DNM1: variants seen among roughly 807,000 people sequenced by gnomAD.
DNM1 encodes dynamin-1.
DNM1 carries 29 observed loss-of-function variants against 104.6 expected under a neutral mutation model. The observed-to-expected ratio is 0.28, with a 90% CI of 0.21 to 0.38. The LOEUF is 0.38. Ranked by LOEUF, DNM1 falls within the 10% of genes least tolerant of loss-of-function variation. DNM1 has a pLI of 1.00. For synonymous variants in DNM1, 445 were observed against 475.8 expected, an observed-to-expected ratio of 0.94 and a Z score of 0.84; for missense variants, 640 against 1,189.4, an observed-to-expected ratio of 0.54 and a Z score of 6.79.
At chr9:128,250,426 G>A (rs1272294670) in intron 20 of DNM1, 70 bp downstream of exon 20, 13 of 1,441,552 alleles carry the variant, frequency 9.0e-6, no homozygotes, top group Non-Finnish European at 1.2e-5. Flanking sequence ...GCCGGGACCG[G>A]GCAGTGGCGC....
At position 128,254,721 on chromosome 9, in the gene DNM1, CCCT is replaced by C. The variant is rs775893108; in HGVS notation, c.*12_*14del. 4 of 1,595,592 alleles carry C rather than the reference CCCT, an allele frequency of 2.5e-6. No homozygotes were observed. The highest frequency in any genetic ancestry group is 3.4e-6 in the Non-Finnish European group (4 of 1,179,134). ...GCCCCCCTTCGACCTCTAAACAGAT[CCCT>C]CCTCTTCTCGGAGACCTCCCTTTCC... On this transcript the variant is annotated 3_prime_UTR_variant, in exon 22 of 22. Coordinates refer to ENST00000372923, the MANE Select transcript of DNM1 (RefSeq NM_004408.4). The surrounding 1 kb of genome is among the most constrained non-coding windows in gnomAD (Gnocchi z 6.1).
chr9:128,246,756 T>TTCCTCCCTCCCTCCC (rs1836848920), intron 16 of DNM1, among the ~76,000 whole-genome samples: 1 of 134,932 alleles, frequency 7.4e-6, no homozygotes, highest in Admixed American at 7.8e-5. Context: ...TCCTCCCTCC[T>TTCCTCCCTCCCTCCC]TTCCTCCCTC....
intron 16 of DNM1, 146 bp downstream of exon 16, chr9:128,246,649 G>A (rs1442049473): frequency 2.7e-5 from 17 of 621,566 alleles, no homozygotes; most frequent in Non-Finnish European, 5.0e-5. Flanking sequence ...TTGAGTTCCT[G>A]CTTTGAGCTA....
intron 21 of DNM1, chr9:128,251,289 A>G: frequency 2.2e-6 from 1 of 458,532 alleles, no homozygotes; most frequent in Non-Finnish European, 4.3e-6. Flanking sequence ...GCTGTCCTCC[A>G]TCCTCCATTC....
Position 128,247,908 on chromosome 9 carries a change from T to C in DNM1, c.1894-16T>C, listed in dbSNP as rs1836927325. 3 of 1,613,290 alleles carry C rather than the reference T, an allele frequency of 1.9e-6. No individual in the cohort carries two copies. In the East Asian group the frequency reaches 6.7e-5, roughly 36 times the overall value. The stretch of plus-strand genomic sequence containing the variant: ...GTGGTGGCGGCGGTGGCAATGTTGG[T>C]GTGTGGGCCTCCCAGGACAAAGAGA... On this transcript the variant is annotated splice_polypyrimidine_tract_variant and intron_variant, in intron 17 of 21. Coordinates refer to ENST00000372923, the MANE Select transcript of DNM1 (RefSeq NM_004408.4). This position sits in a 1 kb window ranked among gnomAD's most constrained non-coding sequence, Gnocchi z 5.1.
intron 1 of DNM1, among the ~76,000 whole-genome samples, chr9:128,215,759 C>T (rs1464629745): frequency 6.6e-6 from 1 of 152,196 alleles, no homozygotes; most frequent in African/African-American, 2.4e-5. Context: ...GGAAAGTCCA[C>T]GTCTCTGTGT....
chr9:128,228,160 G>T (rs1835457802), intron 10 of DNM1, among the ~76,000 whole-genome samples: 1 of 152,138 alleles, frequency 6.6e-6, no homozygotes, highest in South Asian at 2.1e-4. Context: ...TCCTGCCTCA[G>T]CCTCCCGAGT....
intron 11 of DNM1, 48 bp from the exon 12 acceptor site, chr9:128,239,397 C>T (rs1279487237): frequency 1.0e-5 from 15 of 1,484,688 alleles, no homozygotes; most frequent in Non-Finnish European, 1.2e-5. Flanking sequence ...CATTTTAAAA[C>T]TTTGTGGTGT....
intron 19 of DNM1, among the ~76,000 whole-genome samples, chr9:128,249,009 A>G (rs1363259657): frequency 1.3e-5 from 2 of 151,728 alleles, no homozygotes; most frequent in African/African-American, 2.4e-5. Flanking sequence ...CCTGGCCAAC[A>G]TGGTGAAACC....
chr9:128,214,651 T>C (rs1414645812), intron 1 of DNM1, among the ~76,000 whole-genome samples: 1 of 152,184 alleles, frequency 6.6e-6, no homozygotes, highest in Non-Finnish European at 1.5e-5. Flanking sequence ...GTGTGGCATT[T>C]GGGGTTCCTG....
At chr9:128,252,412 C>T (rs887639936) in intron 21 of DNM1, 4 of 398,290 alleles carry the variant, frequency 1.0e-5, no homozygotes, top group African/African-American at 6.2e-5. Flanking sequence ...TCAAGGCAAC[C>T]TGACTTCAGT....
Position 128,222,277 on chromosome 9 carries a change from G to C in DNM1, c.930G>C (p.Glu310Asp). The C allele has an allele frequency of 1.2e-6, 2 of 1,614,216 alleles. No homozygotes were observed. The highest frequency in any genetic ancestry group is 1.7e-6 in the Non-Finnish European group (2 of 1,180,028). Residue 310 changes from glutamate to aspartate, a missense_variant, in exon 7 of 22, where the codon GAG (glutamate) becomes GAC (aspartate). Physicochemically the swap from Glu to Asp is conservative, Grantham distance 45 (BLOSUM62 2). Around this residue, in one of 7 missense-constraint regions of DNM1, gnomAD observed 81 missense variants for 99.8 expected, o/e 0.81. Transcript: ENST00000372923. This position sits in a 1 kb window ranked among gnomAD's most constrained non-coding sequence, Gnocchi z 7.8. ...LQSQLLSIEK[E>D]VEEYKNFRPD... ...GCCAGCTACTGTCCATTGAGAAGGA[G>C]GTGGAGGAATACAAGAACTTCCGCC... is the stretch of plus-strand genomic sequence containing the variant.
chr9:128,210,488 A>G (rs1257511163), intron 1 of DNM1, among the ~76,000 whole-genome samples: 1 of 151,906 alleles, frequency 6.6e-6, no homozygotes, highest in Non-Finnish European at 1.5e-5. Flanking sequence ...CAGCCTCCCA[A>G]GTAGCTGAGA....
intron 1 of DNM1, among the ~76,000 whole-genome samples, chr9:128,217,101 C>T (rs1229093405): frequency 1.5e-4 from 23 of 152,318 alleles, no homozygotes; most frequent in Admixed American, 6.5e-5. Context: ...GACATTGGCA[C>T]GAGCAGATGT....
Position 128,220,275 on chromosome 9 carries a change from C to A in DNM1, c.783C>A (p.Ser261=). ...CTGCTGAACGAAAGTTCTTCCTCTC[C>A]CATCCATCTTATCGCCACTTGGCTG... ...ALAAERKFFL[S]HPSYRHLADR... is the part of the protein sequence containing the mutation. Residue 261 remains serine, a synonymous_variant, in exon 6 of 22, where the codon TCC becomes TCA. Transcript: ENST00000372923. This position sits in a 1 kb window ranked among gnomAD's most constrained non-coding sequence, Gnocchi z 5.2. 6.2e-7 allele frequency: 1 copy of A among 1,614,120 alleles called. No individual in the cohort carries two copies. Among genetic ancestry groups the A allele is most frequent in the East Asian group, 2.2e-5 (1 of 44,896 alleles).
intron 11 of DNM1, 41 bp downstream of exon 11, chr9:128,234,148 A>T: frequency 2.1e-6 from 3 of 1,450,844 alleles, no homozygotes; most frequent in Non-Finnish European, 9.2e-7. Context: ...CCTTCCTTCC[A>T]CTCCTGGCCG....
At chr9:128,251,001 G>T in intron 21 of DNM1, 61 bp downstream of exon 21, 1 of 1,061,206 alleles carries the variant, frequency 9.4e-7, no homozygotes, top group South Asian at 1.4e-5. Flanking sequence ...GGAGGGAAAT[G>T]GGGCTGGATT....
Position 128,253,292 on chromosome 9 carries a change from C to A in DNM1, c.2535-1362C>A. 7.2e-6 allele frequency: 5 copies of A among 698,212 alleles called. No individual in the cohort carries two copies. Among genetic ancestry groups the A allele is most frequent in the Non-Finnish European group, 1.2e-5 (5 of 410,118 alleles). 43.3% of individuals were successfully genotyped at this position (698,212 alleles called of 1,614,324 possible). A position where few individuals can be genotyped will look rare whatever the true frequency, so the allele number is the denominator to read the frequency against. ...CTCTTTCCTCTTTCTGTCCTTGTGCCGCTGGCTCTCTCACCTCCCTTCCCT... is the reference window on the plus strand; with the variant it reads ...CTCTTTCCTCTTTCTGTCCTTGTGCAGCTGGCTCTCTCACCTCCCTTCCCT... On this transcript the variant is annotated intron_variant, in intron 21 of 21. Transcript: ENST00000372923. The surrounding 1 kb of genome is among the most constrained non-coding windows in gnomAD (Gnocchi z 5.9).
In DNM1 at chr9:128,253,978, C is replaced by T; in HGVS notation, c.2535-676C>T. The stretch of plus-strand genomic sequence containing the variant: ...GAGCCCACCCCCCATTCTCCTGCCA[C>T]TGACTCTCGCTCTTCTGCTTTTCCC... On this transcript the variant is annotated intron_variant, in intron 21 of 21. Transcript: ENST00000372923. This position sits in a 1 kb window ranked among gnomAD's most constrained non-coding sequence, Gnocchi z 5.9. The T allele has an allele frequency of 8.1e-7, 1 of 1,233,752 alleles. No individual in the cohort carries two copies. Among genetic ancestry groups the T allele is most frequent in the Non-Finnish European group, 1.0e-6 (1 of 989,212 alleles). 76.4% of individuals were successfully genotyped at this position (1,233,752 alleles called of 1,614,324 possible). A position where few individuals can be genotyped will look rare whatever the true frequency, so the allele number is the denominator to read the frequency against.
Sources: allele counts gnomAD v4.1 joint callset (sites outside exome capture counted in the v4.1 genomes callset), GRCh38; gene constraint gnomAD v4.1.1; regional missense constraint gnomAD v4.1.1; non-coding constraint Gnocchi (gnomAD v3.1); transcripts MANE v1.5; gene names NCBI Gene and HGNC (gene_info 2026-07-23, HGNC 2026-07-21).